Variants in PTPRC observed in about 807,000 individuals in gnomAD.
The protein encoded by PTPRC is receptor-type tyrosine-protein phosphatase C.
Under a neutral mutation model 155.9 loss-of-function variants are expected in PTPRC, and 44 were observed. The observed-to-expected ratio is 0.28, with a 90% CI of 0.22 to 0.36. The LOEUF is 0.36. Among genes scored for constraint, PTPRC ranks in the 10% least tolerant of loss-of-function variants. The probability of loss-of-function intolerance (pLI) is 1.00; values close to 1 mark genes in which losing one functional copy is unlikely to be tolerated. For synonymous variants in PTPRC, 525 were observed against 533.1 expected (o/e 0.98, Z 0.21); for missense variants, 1,401 against 1,564.6 (o/e 0.90, Z 1.76).
At chr1:198,640,372 C>G (rs1192585550) in intron 2 of PTPRC, among the ~76,000 whole-genome samples, 1 of 151,768 alleles carries the variant, frequency 6.6e-6, no homozygotes, top group Non-Finnish European at 1.5e-5. Context: ...TGACTTTTAC[C>G]GTTCTTCTTT....
intron 31 of PTPRC, among the ~76,000 whole-genome samples, chr1:198,753,935 T>G (rs983145324): frequency 6.6e-6 from 1 of 152,090 alleles, no homozygotes; most frequent in Non-Finnish European, 1.5e-5. Flanking sequence ...CTTGGTTTCC[T>G]TATCTATCAT....
At chr1:198,751,586 A>G (rs1330438259) in intron 29 of PTPRC, among the ~76,000 whole-genome samples, 4 of 151,976 alleles carry the variant, frequency 2.6e-5, no homozygotes, top group Non-Finnish European at 4.4e-5. Context: ...AATTCCCACA[A>G]TCCTTTCCTT....
chr1:198,713,103 AAAGAG>A lies in PTPRC; in HGVS notation c.1291+34_1291+38del, dbSNP rs756808037. On this transcript the variant is annotated intron_variant, in intron 12 of 32. Transcript: ENST00000442510. Reference sequence around the variant, plus strand: ...TTGTGTAGAATTTAATTTCATCAGAAAAGAGAAATCAAGAATTTGAAAGTACTAGA... The same window carrying A: ...TTGTGTAGAATTTAATTTCATCAGAAAAATCAAGAATTTGAAAGTACTAGA... The A allele has an allele frequency of 3.1e-6, 5 of 1,612,632 alleles. No homozygotes were observed. The South Asian group carries it at 5.5e-5, about 18-fold the overall frequency.
At chr1:198,747,597 A>G (rs1404013125) in intron 26 of PTPRC, among the ~76,000 whole-genome samples, 3 of 151,856 alleles carry the variant, frequency 2.0e-5, no homozygotes, top group African/African-American at 2.4e-5. Context: ...AAGAAAGAAA[A>G]CTAAAAGGAT....
At chr1:198,669,686 C>A (rs1422418760) in intron 2 of PTPRC, among the ~76,000 whole-genome samples, 1 of 152,140 alleles carries the variant, frequency 6.6e-6, no homozygotes, top group Non-Finnish European at 1.5e-5. Context: ...CACTCCCAGA[C>A]CCCTTCTTTC....
chr1:198,733,814 T>G (rs1025533575), intron 20 of PTPRC, among the ~76,000 whole-genome samples: 5 of 151,796 alleles, frequency 3.3e-5, no homozygotes, highest in Admixed American at 2.6e-4. Context: ...CAAAAGTAAC[T>G]ACATGGCTGG....
chr1:198,682,208 T>G (rs890741515), intron 2 of PTPRC, among the ~76,000 whole-genome samples: 2 of 152,230 alleles, frequency 1.3e-5, no homozygotes, highest in African/African-American at 4.8e-5. Flanking sequence ...TTTAATGATT[T>G]TGAAAGTAAG....
intron 25 of PTPRC, 96 bp downstream of exon 25, chr1:198,742,463 C>A (rs1021296889): frequency 4.9e-6 from 7 of 1,437,742 alleles, no homozygotes; most frequent in Middle Eastern, 2.2e-4. Context: ...AATCCAAATT[C>A]TTCACAACCT....
At chr1:198,696,358 T>C (rs559009616) in intron 3 of PTPRC, among the ~76,000 whole-genome samples, 3 of 152,196 alleles carry the variant, frequency 2.0e-5, no homozygotes, top group African/African-American at 7.2e-5. Flanking sequence ...TTATGCTTCA[T>C]CCTTCTGAAC....
At chr1:198,697,146 C>A (rs191645376) in intron 4 of PTPRC, among the ~76,000 whole-genome samples, 55 of 152,208 alleles carry the variant, frequency 3.6e-4, no homozygotes, top group Non-Finnish European at 6.9e-4. Context: ...CAAGGACAAT[C>A]AGGAGGGGAA....
intron 15 of PTPRC, among the ~76,000 whole-genome samples, chr1:198,727,355 C>G (rs1364880306): frequency 2.0e-5 from 3 of 152,090 alleles, no homozygotes; most frequent in Non-Finnish European, 4.4e-5. Context: ...TATTTTTCTT[C>G]ACTAGAGAGT....
chr1:198,745,938 ATT>A (rs1655117001), intron 26 of PTPRC, among the ~76,000 whole-genome samples: 1 of 151,734 alleles, frequency 6.6e-6, no homozygotes, highest in African/African-American at 2.4e-5. Flanking sequence ...AATAGGGGTA[ATT>A]TTCAATAGCA....
chr1:198,707,086 T>A, intron 9 of PTPRC, 134 bp downstream of exon 9: 1 of 720,662 alleles, frequency 1.4e-6, no homozygotes, highest in Non-Finnish European at 2.4e-6. Flanking sequence ...TGGAAACAAG[T>A]GGGTGAACTT....
intron 3 of PTPRC, 54 bp downstream of exon 3, chr1:198,692,427 A>G: frequency 7.9e-7 from 1 of 1,261,680 alleles, no homozygotes; most frequent in East Asian, 2.9e-5. Flanking sequence ...TGCAAAGTTT[A>G]TATATTTAAC....
Position 198,639,071 on chromosome 1 carries a change from C to T in PTPRC, c.-110C>T, listed in dbSNP as rs1254983741. Reference sequence around the variant, plus strand: ...ATCACCTAGCAGTTCATGCAGCTAGCAAGTGGTTTGTTCTTAGGGTAACAG... The same window carrying T: ...ATCACCTAGCAGTTCATGCAGCTAGTAAGTGGTTTGTTCTTAGGGTAACAG... On this transcript the variant is annotated 5_prime_UTR_variant, in exon 1 of 33. Coordinates refer to ENST00000442510, the MANE Select transcript of PTPRC (RefSeq NM_002838.5). 5.2e-6 allele frequency: 3 copies of T among 581,384 alleles called. No individual in the cohort carries two copies. The African/African-American group carries it at 5.6e-5, about 11-fold the overall frequency. 36.0% of individuals were successfully genotyped at this position (581,384 alleles called of 1,614,324 possible).
intron 32 of PTPRC, 60 bp downstream of exon 32, chr1:198,754,464 T>A: frequency 1.9e-6 from 3 of 1,578,856 alleles, no homozygotes; most frequent in Non-Finnish European, 2.6e-6. Context: ...TTTTTGACGG[T>A]TTCCTTTTTT....
chr1:198,714,896 G>A (rs1311740534), intron 12 of PTPRC, among the ~76,000 whole-genome samples: 2 of 151,844 alleles, frequency 1.3e-5, no homozygotes, highest in African/African-American at 4.8e-5. Context: ...CTCTAAAAGA[G>A]AGGGATTAAA....
intron 2 of PTPRC, among the ~76,000 whole-genome samples, chr1:198,685,981 G>T (rs1265445040): frequency 1.3e-5 from 2 of 151,482 alleles, no homozygotes; most frequent in East Asian, 3.8e-4. Flanking sequence ...GAGGGAGAAC[G>T]GGTGATATTT....
intron 9 of PTPRC, among the ~76,000 whole-genome samples, chr1:198,707,172 T>C (rs1353769726): frequency 6.6e-6 from 1 of 152,212 alleles, no homozygotes; most frequent in African/African-American, 2.4e-5. Context: ...CCACTTCTAC[T>C]TATTTAACAG....
Sources: gnomAD v4.1 joint callset for allele counts (sites outside exome capture counted in the v4.1 genomes callset) on GRCh38, gnomAD v4.1.1 for gene constraint, MANE v1.5 for transcripts, NCBI Gene and HGNC (gene_info 2026-07-23, HGNC 2026-07-21) for gene names.